CDH12: variants seen among roughly 807,000 people sequenced by gnomAD.
The protein encoded by CDH12 is cadherin-12.
Under a neutral mutation model 74.1 loss-of-function variants are expected in CDH12, and 41 were observed. That is an observed-to-expected ratio of 0.55 (90% confidence interval 0.43 to 0.72). The LOEUF is 0.72. Ranked by LOEUF, CDH12 falls within the 30% of genes least tolerant of loss-of-function variation. CDH12 has a pLI of 0.00. For synonymous variants in CDH12, 399 were observed against 355.0 expected, an observed-to-expected ratio of 1.12 and a Z score of -1.39; for missense variants, 945 against 977.2, an observed-to-expected ratio of 0.97 and a Z score of 0.44.
intron 5 of CDH12, among the ~76,000 whole-genome samples, chr5:22,028,638 C>A (rs1738565139): frequency 6.6e-6 from 1 of 152,144 alleles, no homozygotes; most frequent in Non-Finnish European, 1.5e-5. Context: ...AAGAACATAC[C>A]ATGCTCATGG....
chr5:22,523,986 T>TA (rs1561466570), intron 1 of CDH12, among the ~76,000 whole-genome samples: 13 of 148,036 alleles, frequency 8.8e-5, no homozygotes, highest in African/African-American at 2.3e-4. Flanking sequence ...TTATTATTTT[T>TA]TTTTTTTTTT....
chr5:22,849,502 C>A (rs959887300), intron 1 of CDH12, among the ~76,000 whole-genome samples: 1 of 152,128 alleles, frequency 6.6e-6, no homozygotes, highest in Non-Finnish European at 1.5e-5. Context: ...AAATACACTA[C>A]CTGTGTCCTA....
At chr5:21,840,875 T>G (rs1379977878) in intron 8 of CDH12, among the ~76,000 whole-genome samples, 2 of 152,108 alleles carry the variant, frequency 1.3e-5, no homozygotes, top group African/African-American at 4.8e-5. Context: ...ATTAAAGACT[T>G]AAACGTTAGA....
At chr5:21,953,349 T>C (rs1021839286) in intron 6 of CDH12, among the ~76,000 whole-genome samples, 14 of 152,202 alleles carry the variant, frequency 9.2e-5, no homozygotes, top group Admixed American at 3.3e-4. Context: ...GGTTGTCTCC[T>C]TGGAATGTAT....
At position 22,043,881 on chromosome 5, in the gene CDH12, T is replaced by C. The variant is rs140092461; in HGVS notation, c.231+34565A>G. 4.6e-3 allele frequency among the ~76,000 whole-genome samples: 698 copies of C among 152,108 alleles called. 8 individuals are homozygous for C. The highest frequency in any genetic ancestry group is 0.016 in the African/African-American group (669 of 41,486). On this transcript the variant is annotated intron_variant, in intron 5 of 14. Transcript: ENST00000382254. ...AGTAACACAGGAATAAATTTAGCCA[T>C]GAAGGAAAAGAGCTACACACTGAAG...
chr5:22,076,843 T>C (rs938817364), intron 5 of CDH12, among the ~76,000 whole-genome samples: 1 of 152,080 alleles, frequency 6.6e-6, no homozygotes, highest in Non-Finnish European at 1.5e-5. Flanking sequence ...AAGGTCATTC[T>C]GGTCTAGGCT....
chr5:22,180,625 T>C (rs146424975), intron 4 of CDH12, among the ~76,000 whole-genome samples: 8,530 of 152,140 alleles, frequency 0.056, 258 homozygotes, highest in Non-Finnish European at 0.062. Context: ...GCGATTTTCC[T>C]GCCTTAGCCT....
At chr5:21,886,420 T>A (rs750924535) in intron 6 of CDH12, among the ~76,000 whole-genome samples, 1 of 150,532 alleles carries the variant, frequency 6.6e-6, no homozygotes, top group Middle Eastern at 3.2e-3. Context: ...ATTCTCTTTG[T>A]TTGTGTTTTT....
At chr5:22,753,935 T>C (rs1010604065) in intron 1 of CDH12, among the ~76,000 whole-genome samples, 3 of 152,178 alleles carry the variant, frequency 2.0e-5, no homozygotes, top group Non-Finnish European at 4.4e-5. Context: ...TTCCTTCATT[T>C]TTCCTCTTAA....
chr5:22,433,125 T>C (rs1744240354), intron 2 of CDH12, among the ~76,000 whole-genome samples: 1 of 152,178 alleles, frequency 6.6e-6, no homozygotes, highest in East Asian at 1.9e-4. Flanking sequence ...GTCAATTTCC[T>C]TCAGTTTAGT....
At chr5:21,844,992 G>GAGGT (rs1440732622) in intron 7 of CDH12, among the ~76,000 whole-genome samples, 6 of 107,718 alleles carry the variant, frequency 5.6e-5, no homozygotes, top group South Asian at 3.4e-4. Flanking sequence ...TGAGACTACT[G>GAGGT]AGGTAGGTAG....
At chr5:22,465,501 C>G (rs1053663332) in intron 2 of CDH12, among the ~76,000 whole-genome samples, 1 of 152,098 alleles carries the variant, frequency 6.6e-6, no homozygotes, top group African/African-American at 2.4e-5. Flanking sequence ...TAAAAATTAG[C>G]TAGGCATTCT....
chr5:21,928,198 C>T (rs1245943321), intron 6 of CDH12, among the ~76,000 whole-genome samples: 1 of 152,000 alleles, frequency 6.6e-6, no homozygotes, highest in Non-Finnish European at 1.5e-5. Context: ...AGAATCACAA[C>T]ATAGGTTGTT....
rs533294662 is a variant in CDH12, at chr5:21,760,587, T to A, written c.1604A>T (p.Lys535Ile). 3.1e-6 allele frequency: 5 copies of A among 1,608,346 alleles called. No homozygotes were observed. In the Admixed American group the frequency reaches 6.7e-5, roughly 22 times the overall value. ...SFRLSPEAAI[K>I]PNFTVRDFRN... ...GAAGTCACGAACTGTAAAATTTGGT[T>A]TGATAGCAGCCTCAGGTGATAATCT... The change falls in exon 13 of 15, where the codon AAA becomes ATA. Residue 535 changes from lysine (K) to isoleucine (I), a missense_variant. Around this residue, in one of 3 missense-constraint regions of CDH12, gnomAD observed 791 missense variants for 792.8 expected, o/e 1.00. Coordinates refer to ENST00000382254, the MANE Select transcript of CDH12 (RefSeq NM_004061.5).
chr5:22,383,061 A>G (rs1741839572), intron 3 of CDH12, among the ~76,000 whole-genome samples: 1 of 148,836 alleles, frequency 6.7e-6, no homozygotes, highest in African/African-American at 2.4e-5. Context: ...TAAACTCCCG[A>G]CCTCAGGTGA....
At chr5:22,013,491 G>A (rs1383841442) in intron 5 of CDH12, among the ~76,000 whole-genome samples, 1 of 152,098 alleles carries the variant, frequency 6.6e-6, no homozygotes, top group Non-Finnish European at 1.5e-5. Context: ...TGCAAAAATT[G>A]TAAATACATA....
chr5:22,795,657 G>A (rs990077748), intron 1 of CDH12, among the ~76,000 whole-genome samples: 1 of 151,256 alleles, frequency 6.6e-6, no homozygotes, highest in Non-Finnish European at 1.5e-5. Flanking sequence ...TGGCTGAAGA[G>A]TTGAATACAC....
intron 1 of CDH12, among the ~76,000 whole-genome samples, chr5:22,638,363 G>A (rs1244155090): frequency 6.6e-6 from 1 of 152,078 alleles, no homozygotes; most frequent in East Asian, 1.9e-4. Context: ...CACTGGTGTA[G>A]GTCCCAGAGT....
intron 6 of CDH12, among the ~76,000 whole-genome samples, chr5:21,934,967 T>C (rs533417583): frequency 9.2e-5 from 14 of 152,284 alleles, no homozygotes; most frequent in African/African-American, 3.4e-4. Context: ...TTTGTTTTTT[T>C]CGTAGAGACG....
Sources: allele counts gnomAD v4.1 joint callset (sites outside exome capture counted in the v4.1 genomes callset), GRCh38; gene constraint gnomAD v4.1.1; regional missense constraint gnomAD v4.1.1; transcripts MANE v1.5; gene names NCBI Gene and HGNC (gene_info 2026-07-23, HGNC 2026-07-21).